Variants in RASSF3 observed in about 807,000 individuals in gnomAD.
RASSF3 encodes ras association domain-containing protein 3.
A neutral mutation model predicts 19.9 loss-of-function variants in RASSF3; 19 were observed. The observed-to-expected ratio is 0.96, with a 90% CI of 0.67 to 1.40. The LOEUF (loss-of-function observed/expected upper bound fraction) is 1.40, where lower values mean the gene tolerates loss of function less well. Ranked by LOEUF, RASSF3 falls within the 40% of genes most tolerant of loss-of-function variation. RASSF3 has a pLI of 0.00. For missense variants in RASSF3, 306 were observed against 289.8 expected, an observed-to-expected ratio of 1.06 and a Z score of -0.41; for synonymous variants, 110 against 104.2, an observed-to-expected ratio of 1.06 and a Z score of -0.34.
chr12:64,602,087 A>G, intron 2 of RASSF3, among the ~76,000 whole-genome samples: 1 of 151,222 alleles, frequency 6.6e-6, no homozygotes, highest in African/African-American at 2.4e-5. Context: ...ACTGCACTCC[A>G]GCCTGGGTGA....
intron 1 of RASSF3, among the ~76,000 whole-genome samples, chr12:64,539,734 C>G (rs530792478): frequency 5.3e-5 from 8 of 152,146 alleles, no homozygotes; most frequent in African/African-American, 1.9e-4. Flanking sequence ...TGTGATTGCC[C>G]ACTGCACTCC....
chr12:64,586,713 A>T (rs1306363840), intron 2 of RASSF3, among the ~76,000 whole-genome samples: 2 of 151,932 alleles, frequency 1.3e-5, no homozygotes, highest in African/African-American at 4.8e-5. Flanking sequence ...ACTTGAGGTC[A>T]GGAGTACAAG....
rs147318310 is a variant in RASSF3 at position 64,564,805 on chromosome 12, G to C, written c.294+23100G>C. ...GTTTTTTGTTTTTTTTTTTGAGAGG[G>C]AGTCTCGCTCTGTTGCCCAGGCTGG... On this transcript the variant is annotated intron_variant, in intron 2 of 5. Coordinates refer to the RASSF3 transcript ENST00000637125. Among the ~76,000 whole-genome samples the C allele has an allele frequency of 2.7e-4, 41 of 149,408 alleles. No homozygotes were observed. In the East Asian group the frequency reaches 7.1e-3, roughly 26 times the overall value.
At chr12:64,614,596 A>G (rs1220199867) in intron 1 of RASSF3, among the ~76,000 whole-genome samples, 2 of 151,918 alleles carry the variant, frequency 1.3e-5, no homozygotes, top group African/African-American at 4.8e-5. Flanking sequence ...TACACTCTCT[A>G]TTTTGTTACT....
intron 2 of RASSF3, among the ~76,000 whole-genome samples, chr12:64,564,682 C>T (rs1869399693): frequency 2.6e-5 from 4 of 152,106 alleles, no homozygotes; most frequent in Admixed American, 1.3e-4. Flanking sequence ...GCGCCCAGCC[C>T]TCCCTAACAC....
intron 2 of RASSF3, among the ~76,000 whole-genome samples, chr12:64,550,674 G>T (rs1231471429): frequency 6.6e-6 from 1 of 151,452 alleles, no homozygotes; most frequent in Non-Finnish European, 1.5e-5. Context: ...AAAAGAAAAA[G>T]GAGGCCAGGA....
chr12:64,692,412 T>C (rs1441990380), intron 4 of RASSF3, among the ~76,000 whole-genome samples: 1 of 152,244 alleles, frequency 6.6e-6, no homozygotes, highest in Non-Finnish European at 1.5e-5. Flanking sequence ...TAAGTGGGAC[T>C]AAACACTTTA....
At chr12:64,518,132 ATCAT>A (rs1173093920) in intron 1 of RASSF3, among the ~76,000 whole-genome samples, 1 of 152,226 alleles carries the variant, frequency 6.6e-6, no homozygotes, top group Non-Finnish European at 1.5e-5. Flanking sequence ...TAAAAAATTA[ATCAT>A]TCATAGTTAA....
At chr12:64,522,562 G>A (rs936312117) in intron 1 of RASSF3, among the ~76,000 whole-genome samples, 12 of 152,104 alleles carry the variant, frequency 7.9e-5, no homozygotes, top group South Asian at 2.1e-4. Context: ...CTTGTCAAAA[G>A]CCATTTTAGG....
At chr12:64,598,895 C>G (rs571585683) in intron 2 of RASSF3, among the ~76,000 whole-genome samples, 176 of 116,768 alleles carry the variant, frequency 1.5e-3, no homozygotes, top group South Asian at 0.013. Flanking sequence ...CCCCTCCCCC[C>G]ACCCCACATC....
chr12:64,585,941 C>T (rs941394262), intron 2 of RASSF3, among the ~76,000 whole-genome samples: 1 of 152,130 alleles, frequency 6.6e-6, no homozygotes, highest in South Asian at 2.1e-4. Context: ...AGAGTCTCTA[C>T]AAAAACATTT....
intron 2 of RASSF3, among the ~76,000 whole-genome samples, chr12:64,559,285 C>A (rs1377783831): frequency 6.8e-6 from 1 of 147,112 alleles, no homozygotes; most frequent in Non-Finnish European, 1.5e-5. Context: ...ACACTGTCGT[C>A]CAGGCTGGAG....
At chr12:64,657,692 G>A (rs890682932) in intron 1 of RASSF3, among the ~76,000 whole-genome samples, 4 of 152,234 alleles carry the variant, frequency 2.6e-5, no homozygotes, top group Non-Finnish European at 5.9e-5. Flanking sequence ...AGAAATGCCA[G>A]TGCCTTGGCA....
At chr12:64,608,386 C>T (rs1034785231), upstream of RASSF3, among the ~76,000 whole-genome samples, 3 of 152,122 alleles carry the variant, frequency 2.0e-5, no homozygotes, top group African/African-American at 7.2e-5. Flanking sequence ...AATGGCGCCA[C>T]CTCGGGTCAC....
At position 64,696,689 on chromosome 12, in the gene RASSF3, T is replaced by C. The variant is rs936518176; in HGVS notation, c.*1777T>C. On this transcript the variant is annotated 3_prime_UTR_variant, in exon 5 of 5. Coordinates refer to ENST00000542104, the MANE Select transcript of RASSF3 (RefSeq NM_178169.4). ...CTTGTTGGAGGCAGACTTAAGTTGT[T>C]ATGCTGTGCCACACAATTTACTGAG... 3.3e-5 allele frequency: 5 copies of C among 152,222 alleles called. No individual in the cohort carries two copies. Among genetic ancestry groups the C allele is most frequent in the African/African-American group, 7.2e-5 (3 of 41,448 alleles). 9.4% of individuals were successfully genotyped at this position (152,222 alleles called of 1,614,324 possible). A position where few individuals can be genotyped will look rare whatever the true frequency, so the allele number is the denominator to read the frequency against.
At chr12:64,512,567 T>C (rs1868334465) in intron 1 of RASSF3, among the ~76,000 whole-genome samples, 1 of 152,206 alleles carries the variant, frequency 6.6e-6, no homozygotes, top group African/African-American at 2.4e-5. Flanking sequence ...AAAGTTTAGA[T>C]GCAGAAAAAA....
At chr12:64,560,470 A>G (rs915440024) in intron 2 of RASSF3, among the ~76,000 whole-genome samples, 3 of 152,136 alleles carry the variant, frequency 2.0e-5, no homozygotes, top group Admixed American at 6.5e-5. Context: ...CCCCACAACC[A>G]TAGCTCTCCA....
intron 1 of RASSF3, among the ~76,000 whole-genome samples, chr12:64,616,900 C>G (rs1482417889): frequency 6.6e-6 from 1 of 152,216 alleles, no homozygotes; most frequent in Non-Finnish European, 1.5e-5. Context: ...TTGCCGCCCT[C>G]CATTCTCCTT....
chr12:64,543,636 C>T (rs963642745), downstream of RASSF3, among the ~76,000 whole-genome samples: 4 of 149,486 alleles, frequency 2.7e-5, no homozygotes, highest in African/African-American at 7.4e-5. Flanking sequence ...CTGAGGAGTG[C>T]GGGCGCACGG....
Sources: gnomAD v4.1 joint callset for allele counts (sites outside exome capture counted in the v4.1 genomes callset) on GRCh38, gnomAD v4.1.1 for gene constraint, MANE v1.5 for transcripts, NCBI Gene and HGNC (gene_info 2026-07-23, HGNC 2026-07-21) for gene names.